DCP2: variants seen among roughly 807,000 people sequenced by gnomAD.
DCP2 encodes the protein decapping mRNA 2, also known as m7GpppN-mRNA hydrolase.
In DCP2, 30 loss-of-function variants were observed where a neutral mutation model predicts 56.1. The ratio of observed to expected loss-of-function variants is 0.53; its 90% CI spans 0.40 to 0.73. DCP2 has a LOEUF of 0.73. Ranked by LOEUF, DCP2 falls within the 30% of genes least tolerant of loss-of-function variation. The probability of loss-of-function intolerance (pLI) is 0.00; values close to 1 mark genes in which losing one functional copy is unlikely to be tolerated. For missense variants in DCP2, 533 were observed against 502.7 expected (o/e 1.06, Z -0.58); for synonymous variants, 197 against 163.3 (o/e 1.21, Z -1.57).
At chr5:113,008,257 A>AT (rs1749532558) in intron 9 of DCP2, 1 of 409,724 alleles carries the variant, frequency 2.4e-6, no homozygotes, top group South Asian at 7.7e-5. Flanking sequence ...TGTACATCTA[A>AT]TTTTTTATGT....
chr5:113,002,756 C>G (rs1433896253), intron 7 of DCP2, among the ~76,000 whole-genome samples: 1 of 152,130 alleles, frequency 6.6e-6, no homozygotes, highest in African/African-American at 2.4e-5. Flanking sequence ...CTCTTGGGCT[C>G]CAGTGATCCT....
intron 4 of DCP2, among the ~76,000 whole-genome samples, chr5:112,999,338 T>TG (rs1333083174): frequency 1.3e-5 from 2 of 152,182 alleles, no homozygotes; most frequent in Non-Finnish European, 2.9e-5. Context: ...TCTGTTGTTT[T>TG]TTTTTTGAGA....
chr5:112,987,457 G>T (rs915327622), intron 2 of DCP2, among the ~76,000 whole-genome samples: 1 of 151,436 alleles, frequency 6.6e-6, no homozygotes, highest in African/African-American at 2.4e-5. Flanking sequence ...TATTCCCCCC[G>T]CCCGCCCGAC....
At chr5:112,980,288 C>T (rs1228513775) in intron 1 of DCP2, among the ~76,000 whole-genome samples, 2 of 152,196 alleles carry the variant, frequency 1.3e-5, no homozygotes, top group African/African-American at 2.4e-5. Flanking sequence ...AGTAAGGCCA[C>T]ACTAGTGTTA....
intron 9 of DCP2, among the ~76,000 whole-genome samples, chr5:113,010,289 T>G (rs919352220): frequency 6.6e-6 from 1 of 151,040 alleles, no homozygotes; most frequent in African/African-American, 2.4e-5. Flanking sequence ...CAAGTGATCC[T>G]CATGCTCTGG....
rs1748272383 is a variant in DCP2, at chr5:112,986,119, CAT to C, written c.205+135_205+136del. Reference sequence around the variant, plus strand: ...TACTTGATTGCTAAAATTTGTCAAACATAAATAGTAGACACAATTTAGTAATA... The same window carrying C: ...TACTTGATTGCTAAAATTTGTCAAACAAATAGTAGACACAATTTAGTAATA... On this transcript the variant is annotated intron_variant, in intron 2 of 10. Transcript: ENST00000389063. 10 of 808,932 alleles carry C rather than the reference CAT, an allele frequency of 1.2e-5. No individual in the cohort carries two copies. In the South Asian group the frequency reaches 1.9e-4, roughly 16 times the overall value. 50.1% of individuals were successfully genotyped at this position (808,932 alleles called of 1,614,324 possible).
At chr5:112,985,585 C>G (rs911036675) in intron 1 of DCP2, among the ~76,000 whole-genome samples, 21 of 152,234 alleles carry the variant, frequency 1.4e-4, no homozygotes, top group Admixed American at 6.5e-4. Context: ...TTAAGCTGAT[C>G]TCTGTACTTG....
At chr5:112,993,818 CT>C (rs1056465977) in intron 4 of DCP2, among the ~76,000 whole-genome samples, 1 of 151,898 alleles carries the variant, frequency 6.6e-6, no homozygotes, top group Non-Finnish European at 1.5e-5. Context: ...GCTTAAGTTT[CT>C]TTTCTGTCTC....
intron 9 of DCP2, among the ~76,000 whole-genome samples, chr5:113,009,413 C>A (rs2150190821): frequency 6.6e-6 from 1 of 152,178 alleles, no homozygotes; most frequent in East Asian, 1.9e-4. Flanking sequence ...TATATGTGGT[C>A]AAAGAATGTA....
At chr5:112,990,395 G>A (rs1343441654) in intron 2 of DCP2, among the ~76,000 whole-genome samples, 4 of 152,158 alleles carry the variant, frequency 2.6e-5, no homozygotes, top group African/African-American at 4.8e-5. Context: ...ACAGACAAGA[G>A]TATCCCACAT....
At chr5:113,000,836 C>T (rs137882013) in intron 4 of DCP2, among the ~76,000 whole-genome samples, 1 of 152,278 alleles carries the variant, frequency 6.6e-6, no homozygotes, top group South Asian at 2.1e-4. Context: ...GTTTGAATGT[C>T]AGCAATCAGG....
chr5:112,986,519 T>C (rs1333181949), intron 2 of DCP2, among the ~76,000 whole-genome samples: 1 of 151,934 alleles, frequency 6.6e-6, no homozygotes, highest in African/African-American at 2.4e-5. Flanking sequence ...TTATGTTTTC[T>C]AAAAATGGGG....
rs1479285129 is a variant in DCP2 at position 113,013,550 on chromosome 5, C to G, written c.*66C>G. 10 of 1,550,328 alleles carry G rather than the reference C, an allele frequency of 6.5e-6. No individual in the cohort carries two copies. Among genetic ancestry groups the G allele is most frequent in the Non-Finnish European group, 8.8e-6 (10 of 1,140,134 alleles). ...TGTTGAATTTGAGTGGGTGTCTCCT[C>G]AAGCCTTACCTTTCTCAGGTGTTTT... On this transcript the variant is annotated 3_prime_UTR_variant, in exon 11 of 11. Transcript: ENST00000389063.
intron 9 of DCP2, among the ~76,000 whole-genome samples, chr5:113,010,534 A>G (rs1254498586): frequency 3.3e-5 from 5 of 152,146 alleles, no homozygotes; most frequent in Non-Finnish European, 7.4e-5. Context: ...TGATGTCTTT[A>G]TAATGTGTAT....
At chr5:113,004,959 A>C (rs1217505577) in intron 8 of DCP2, among the ~76,000 whole-genome samples, 1 of 151,896 alleles carries the variant, frequency 6.6e-6, no homozygotes, top group African/African-American at 2.4e-5. Context: ...CCCCGTCTTT[A>C]CTAAAAATAC....
Position 113,014,865 on chromosome 5 carries a change from T to TGTA in DCP2, c.*1383_*1385dup, listed in dbSNP as rs1749820273. The TGTA allele has an allele frequency of 6.6e-6, 1 of 152,646 alleles. No individual in the cohort carries two copies. The highest frequency in any genetic ancestry group is 6.5e-5 in the Admixed American group (1 of 15,280). The allele number at this position is 152,646 out of a possible 1,614,324, so 9.5% of individuals were successfully genotyped here. A position where few individuals can be genotyped will look rare whatever the true frequency, so the allele number is the denominator to read the frequency against. On this transcript the variant is annotated 3_prime_UTR_variant, in exon 11 of 11. Transcript: ENST00000389063. ...TGTTATTGTAGAAATCTTTATTCTG[T>TGTA]GTAGGTAGCCTATTTAATTGGGTTC... is the stretch of plus-strand genomic sequence containing the variant.
chr5:113,009,696 A>G (rs1749593938), intron 9 of DCP2, among the ~76,000 whole-genome samples: 1 of 152,192 alleles, frequency 6.6e-6, no homozygotes, highest in South Asian at 2.1e-4. Flanking sequence ...GTGGGTTACC[A>G]TCAAGTTGCT....
intron 8 of DCP2, among the ~76,000 whole-genome samples, chr5:113,005,353 A>G (rs1158770701): frequency 2.0e-5 from 3 of 152,202 alleles, no homozygotes; most frequent in Non-Finnish European, 4.4e-5. Context: ...TGGACAAATG[A>G]CTTGAATAGA....
chr5:113,004,205 C>T (rs1299172565), intron 8 of DCP2, 128 bp downstream of exon 8: 5 of 1,069,880 alleles, frequency 4.7e-6, no homozygotes, highest in Non-Finnish European at 6.6e-6. Flanking sequence ...CCTGTATGTT[C>T]CTTACTTATG....
Sources: gnomAD v4.1 joint callset for allele counts (sites outside exome capture counted in the v4.1 genomes callset) on GRCh38, gnomAD v4.1.1 for gene constraint, MANE v1.5 for transcripts, NCBI Gene and HGNC (gene_info 2026-07-23, HGNC 2026-07-21) for gene names.